PARD3: variants seen among roughly 807,000 people sequenced by gnomAD.
The protein encoded by PARD3 is par-3 family cell polarity regulator.
Under a neutral mutation model 155.4 loss-of-function variants are expected in PARD3, and 75 were observed. The observed-to-expected ratio is 0.48, with a 90% confidence interval of 0.40 to 0.58. The LOEUF (loss-of-function observed/expected upper bound fraction) is 0.58, where lower values mean the gene tolerates loss of function less well. PARD3 is among the 20% of genes least tolerant of loss of function. PARD3 has a pLI of 0.00. For synonymous variants in PARD3, 576 were observed against 610.5 expected (o/e 0.94, Z 0.83); for missense variants, 1,642 against 1,721.7 (o/e 0.95, Z 0.82).
chr10:34,200,572 C>T (rs941817373), intron 22 of PARD3, among the ~76,000 whole-genome samples: 15 of 152,192 alleles, frequency 9.9e-5, no homozygotes, highest in Non-Finnish European at 1.9e-4. Flanking sequence ...CAGCCCTCTG[C>T]CCATCCATCA....
chr10:34,782,007 G>A (rs1003411933), intron 1 of PARD3, among the ~76,000 whole-genome samples: 2 of 152,212 alleles, frequency 1.3e-5, no homozygotes, highest in Non-Finnish European at 2.9e-5. Flanking sequence ...GGCACCTACT[G>A]AGAAATGCTG....
chr10:34,493,369 A>G (rs1295402149), intron 3 of PARD3, among the ~76,000 whole-genome samples: 1 of 152,208 alleles, frequency 6.6e-6, no homozygotes, highest in Non-Finnish European at 1.5e-5. Context: ...GGCTCCTACC[A>G]TTGCATGAGA....
At chr10:34,229,628 C>T (rs972882542) in intron 22 of PARD3, among the ~76,000 whole-genome samples, 3 of 150,990 alleles carry the variant, frequency 2.0e-5, no homozygotes, top group Admixed American at 6.6e-5. Flanking sequence ...CTTGTTCATA[C>T]GTCCCATCAT....
chr10:34,578,563 T>C, intron 2 of PARD3, among the ~76,000 whole-genome samples: 1 of 152,210 alleles, frequency 6.6e-6, no homozygotes, highest in East Asian at 1.9e-4. Context: ...TTCCACACAT[T>C]AGCTCATTTT....
chr10:34,473,126 G>A (rs930082397), intron 3 of PARD3, among the ~76,000 whole-genome samples: 1 of 152,156 alleles, frequency 6.6e-6, no homozygotes, highest in African/African-American at 2.4e-5. Context: ...TGCATAAACT[G>A]CAATGTGAAG....
chr10:34,619,857 C>A (rs2091523226), intron 2 of PARD3, among the ~76,000 whole-genome samples: 1 of 152,180 alleles, frequency 6.6e-6, no homozygotes, highest in African/African-American at 2.4e-5. Flanking sequence ...GAAACTGTTC[C>A]TGACACTGGC....
chr10:34,799,994 G>C (rs1364336658), intron 1 of PARD3, among the ~76,000 whole-genome samples: 1 of 152,030 alleles, frequency 6.6e-6, no homozygotes, highest in African/African-American at 2.4e-5. Context: ...CTAGGCATAG[G>C]TGGTACATAC....
At chr10:34,743,862 G>A (rs1358859182) in intron 1 of PARD3, among the ~76,000 whole-genome samples, 2 of 152,170 alleles carry the variant, frequency 1.3e-5, no homozygotes. Flanking sequence ...GCAGCCCCCA[G>A]ATAAGGGCAT....
intron 2 of PARD3, among the ~76,000 whole-genome samples, chr10:34,563,835 T>C (rs2085708994): frequency 6.6e-6 from 1 of 152,190 alleles, no homozygotes; most frequent in Admixed American, 6.5e-5. Flanking sequence ...AATCCATGTA[T>C]ATTTAAAAAG....
intron 1 of PARD3, among the ~76,000 whole-genome samples, chr10:34,701,884 T>C (rs1251018152): frequency 6.6e-6 from 1 of 152,070 alleles, no homozygotes; most frequent in Non-Finnish European, 1.5e-5. Context: ...CAATTTTGGC[T>C]GGGTGTGGTG....
intron 22 of PARD3, among the ~76,000 whole-genome samples, chr10:34,199,721 T>C (rs1951118946): frequency 6.6e-6 from 1 of 152,192 alleles, no homozygotes; most frequent in African/African-American, 2.4e-5. Context: ...CTTCCTACTT[T>C]CAAGAATAAA....
intron 2 of PARD3, among the ~76,000 whole-genome samples, chr10:34,673,038 C>T (rs981031157): frequency 6.6e-6 from 1 of 152,178 alleles, no homozygotes; most frequent in East Asian, 1.9e-4. Context: ...ACATCTAGGG[C>T]TTCAGTGATC....
At chr10:34,345,271 G>GT in intron 15 of PARD3, 1 of 985,338 alleles carries the variant, frequency 1.0e-6, no homozygotes. Flanking sequence ...CTTTTGGGGT[G>GT]TATCTTTTAA....
chr10:34,129,700 C>CTTTTTTTTTTTTTTT (rs1209547388), intron 23 of PARD3, among the ~76,000 whole-genome samples: 1 of 82,986 alleles, frequency 1.2e-5, no homozygotes, highest in African/African-American at 4.6e-5. Flanking sequence ...TGTCAAGCCT[C>CTTTTTTTTTTTTTTT]TTTTTTTTTT....
At chr10:34,492,896 G>A (rs1170046357) in intron 3 of PARD3, among the ~76,000 whole-genome samples, 3 of 152,182 alleles carry the variant, frequency 2.0e-5, no homozygotes, top group East Asian at 3.8e-4. Flanking sequence ...GGCAAATATC[G>A]CTAAAGCGTT....
chr10:34,300,056 C>T (rs185749881), intron 20 of PARD3, among the ~76,000 whole-genome samples: 16 of 152,110 alleles, frequency 1.1e-4, no homozygotes, highest in African/African-American at 3.6e-4. Flanking sequence ...GAGTGACTCA[C>T]GAAATTAAAA....
chr10:34,232,890 G>A (rs1426937380), intron 22 of PARD3, among the ~76,000 whole-genome samples: 1 of 151,776 alleles, frequency 6.6e-6, no homozygotes, highest in Non-Finnish European at 1.5e-5. Flanking sequence ...TTGTAGTGAC[G>A]AGATCTCGCT....
At chr10:34,466,677 CT>C (rs948068888) in intron 4 of PARD3, among the ~76,000 whole-genome samples, 3 of 152,116 alleles carry the variant, frequency 2.0e-5, no homozygotes, top group African/African-American at 7.2e-5. Flanking sequence ...TTTATAACAT[CT>C]TAAAGCATGA....
At chr10:34,158,116 T>G (rs551837742) in intron 22 of PARD3, among the ~76,000 whole-genome samples, 1 of 152,164 alleles carries the variant, frequency 6.6e-6, no homozygotes, top group Non-Finnish European at 1.5e-5. Flanking sequence ...AGGTAACTCA[T>G]GCCTGTAATC....
Sources: gnomAD v4.1 joint callset for allele counts (sites outside exome capture counted in the v4.1 genomes callset) on GRCh38, gnomAD v4.1.1 for gene constraint, MANE v1.5 for transcripts, NCBI Gene and HGNC (gene_info 2026-07-23, HGNC 2026-07-21) for gene names.